ITGA11: variants seen among roughly 807,000 people sequenced by gnomAD.
The protein encoded by ITGA11 is integrin alpha-11.
ITGA11 carries 97 observed loss-of-function variants against 141.9 expected under a neutral mutation model. The ratio of observed to expected loss-of-function variants is 0.68; its 90% CI spans 0.58 to 0.81. The LOEUF (loss-of-function observed/expected upper bound fraction) is 0.81. Among genes scored for constraint, ITGA11 ranks in the 30% least tolerant of loss-of-function variants. The probability of loss-of-function intolerance (pLI) is 0.00; values close to 1 mark genes in which losing one functional copy is unlikely to be tolerated. For missense variants in ITGA11, 1,387 were observed against 1,559.2 expected (o/e 0.89, Z 1.86); for synonymous variants, 658 against 624.6 (o/e 1.05, Z -0.80).
In ITGA11 at chr15:68,299,653, G is replaced by A. The variant is rs538494563; in HGVS notation, c.*3406C>T. ...AGGAAAGGAGCACGATTAAGCCAGC[G>A]GTCTCCATTAGAGGCTGCTTGGCAT... On this transcript the variant is annotated 3_prime_UTR_variant, in exon 30 of 30. Transcript: ENST00000315757. 8 of 152,286 alleles carry A rather than the reference G, an allele frequency of 5.3e-5. No homozygotes were observed. Among genetic ancestry groups the A allele is most frequent in the African/African-American group, 1.4e-4 (6 of 41,554 alleles). 9.4% of individuals were successfully genotyped at this position (152,286 alleles called of 1,614,324 possible). A position where few individuals can be genotyped will look rare whatever the true frequency, so the allele number is the denominator to read the frequency against.
intron 15 of ITGA11, among the ~76,000 whole-genome samples, chr15:68,329,749 C>T (rs1894094608): frequency 6.6e-6 from 1 of 152,228 alleles, no homozygotes; most frequent in African/African-American, 2.4e-5. Flanking sequence ...GCTGCTGTTG[C>T]TGCCACCACC....
Position 68,364,829 on chromosome 15 carries a change from C to A in ITGA11, c.266-31G>T, listed in dbSNP as rs1446468258. On this transcript the variant is annotated intron_variant, in intron 3 of 29. Transcript: ENST00000315757. ...GTTGGGGGAGAAGTTCAGCTTGCAGCCCCCTCCTGCCCGCCCTCTGCCCAG... is the reference window on the plus strand; with the variant it reads ...GTTGGGGGAGAAGTTCAGCTTGCAGACCCCTCCTGCCCGCCCTCTGCCCAG... The A allele has an allele frequency of 2.5e-6, 4 of 1,587,758 alleles. No homozygotes were observed. The Admixed American group carries it at 6.7e-5, about 27-fold the overall frequency.
chr15:68,333,358 C>G lies in ITGA11; in HGVS notation c.1426-880G>C, dbSNP rs6494734. ...TTCAGTGATCCTCCCACCTCAGCCT[C>G]TCAAAGTGCTGGGATTACAGGTGTA... On this transcript the variant is annotated intron_variant, in intron 12 of 29. Coordinates refer to ENST00000315757, the MANE Select transcript of ITGA11 (RefSeq NM_001004439.2). This position sits in a 1 kb window ranked among gnomAD's most constrained non-coding sequence, Gnocchi z 4.2. Among the ~76,000 whole-genome samples, 10,601 of 152,238 alleles carry G rather than the reference C, an allele frequency of 0.07. 1,124 individuals are homozygous for G. The highest frequency in any genetic ancestry group is 0.23 in the African/African-American group (9,553 of 41,490).
chr15:68,413,688 C>A (rs999864800), intron 1 of ITGA11, among the ~76,000 whole-genome samples: 1 of 152,150 alleles, frequency 6.6e-6, no homozygotes, highest in Non-Finnish European at 1.5e-5. Context: ...AGACCCACCA[C>A]GGCACATGTC....
At chr15:68,369,087 G>A in intron 3 of ITGA11, 97 bp downstream of exon 3, 2 of 822,382 alleles carry the variant, frequency 2.4e-6, no homozygotes, top group East Asian at 4.9e-5. Flanking sequence ...GTAGCAGGAA[G>A]GAGTCAGTGT....
chr15:68,407,582 G>C (rs1206160815), intron 1 of ITGA11, among the ~76,000 whole-genome samples: 2 of 152,298 alleles, frequency 1.3e-5, no homozygotes, highest in East Asian at 3.9e-4. Flanking sequence ...GCTGATTGCA[G>C]AGATGTTGGG....
In ITGA11 at chr15:68,326,646, C is replaced by G; in HGVS notation, c.2211+8G>C. Reference sequence around the variant, plus strand: ...GCTTGGGCTCTGCTGGTGGGGCTGCCAGCTTACCAGGACATGGAAGTTGAT... The same window carrying G: ...GCTTGGGCTCTGCTGGTGGGGCTGCGAGCTTACCAGGACATGGAAGTTGAT... On this transcript the variant is annotated splice_region_variant and intron_variant, in intron 17 of 29. Transcript: ENST00000315757. This position sits in a 1 kb window ranked among gnomAD's most constrained non-coding sequence, Gnocchi z 6.8. 6.3e-7 allele frequency: 1 copy of G among 1,583,728 alleles called. No individual in the cohort carries two copies.
At chr15:68,429,742 A>G (rs1189561902) in intron 1 of ITGA11, among the ~76,000 whole-genome samples, 1 of 152,216 alleles carries the variant, frequency 6.6e-6, no homozygotes, top group Non-Finnish European at 1.5e-5. Flanking sequence ...CAAAGTCCAC[A>G]CTGACCAGAG....
At chr15:68,364,357 C>A (rs752022361) in intron 4 of ITGA11, among the ~76,000 whole-genome samples, 5 of 152,236 alleles carry the variant, frequency 3.3e-5, no homozygotes, top group Non-Finnish European at 5.9e-5. Flanking sequence ...ACTAGCTCCC[C>A]AAGGAAAGGG....
intron 1 of ITGA11, among the ~76,000 whole-genome samples, chr15:68,404,572 G>A (rs1310587626): frequency 3.9e-5 from 6 of 152,154 alleles, no homozygotes; most frequent in Admixed American, 3.9e-4. Flanking sequence ...GGACCTTGGA[G>A]AATGAGTGAG....
chr15:68,378,781 A>C (rs141760664), intron 2 of ITGA11, among the ~76,000 whole-genome samples: 304 of 152,362 alleles, frequency 2.0e-3, no homozygotes, highest in Non-Finnish European at 2.7e-3. Flanking sequence ...ATGGCTGGAC[A>C]TAGAGGCGGC....
chr15:68,349,015 T>C (rs1342210618), intron 9 of ITGA11, 115 bp from the exon 10 acceptor site: 2 of 807,050 alleles, frequency 2.5e-6, no homozygotes, highest in Non-Finnish European at 3.7e-6. Context: ...GAGGTGGGGC[T>C]CTCTTTCGAG....
chr15:68,303,930 G>T lies in ITGA11; in HGVS notation c.3382-45C>A, dbSNP rs1160859223. The T allele has an allele frequency of 3.0e-6, 4 of 1,330,972 alleles. No individual in the cohort carries two copies. Among genetic ancestry groups the T allele is most frequent in the Non-Finnish European group, 4.3e-6 (4 of 927,906 alleles). The allele number at this position is 1,330,972 out of a possible 1,614,324, so 82.4% of individuals were successfully genotyped here. The stretch of plus-strand genomic sequence containing the variant: ...GGGCCAACAGCATTACTCTTCTGGG[G>T]CTGGGGTGGCAGTCTGGGAGGGGCA... On this transcript the variant is annotated intron_variant, in intron 28 of 29. Coordinates refer to ENST00000315757, the MANE Select transcript of ITGA11 (RefSeq NM_001004439.2). The surrounding 1 kb of genome is among the most constrained non-coding windows in gnomAD (Gnocchi z 5.3).
chr15:68,422,493 T>C (rs1204098979), intron 1 of ITGA11, among the ~76,000 whole-genome samples: 4 of 152,108 alleles, frequency 2.6e-5, no homozygotes, highest in Non-Finnish European at 4.4e-5. Flanking sequence ...GCAGTAGCCA[T>C]CTTATCATTC....
intron 7 of ITGA11, among the ~76,000 whole-genome samples, chr15:68,355,157 G>A (rs1295229411): frequency 6.6e-6 from 1 of 152,166 alleles, no homozygotes; most frequent in Non-Finnish European, 1.5e-5. Context: ...TGGTGGTTAT[G>A]GGCTGCCTCC....
intron 1 of ITGA11, among the ~76,000 whole-genome samples, chr15:68,425,930 A>C (rs8043127): frequency 0.11 from 17,129 of 152,214 alleles, 3,203 homozygotes; most frequent in African/African-American, 0.39. Flanking sequence ...CAACTTGCCT[A>C]ATTCACCCCA....
At chr15:68,340,963 A>G (rs938980009) in intron 10 of ITGA11, 1 of 152,202 alleles carries the variant, frequency 6.6e-6, no homozygotes, top group African/African-American at 2.4e-5. Flanking sequence ...TTGGGCTTTC[A>G]AAACACAGGC....
chr15:68,313,918 G>T (rs1893483359), intron 22 of ITGA11, 50 bp from the exon 23 acceptor site: 1 of 1,470,598 alleles, frequency 6.8e-7, no homozygotes, highest in East Asian at 2.3e-5. Flanking sequence ...AGCCAGCACA[G>T]GCAGCGGGAA....
chr15:68,419,121 G>A (rs964902957), intron 1 of ITGA11, among the ~76,000 whole-genome samples: 5 of 152,130 alleles, frequency 3.3e-5, no homozygotes, highest in Admixed American at 1.3e-4. Context: ...TGGCTGCATG[G>A]AATTTAACAG....
Sources: gnomAD v4.1 joint callset for allele counts (sites outside exome capture counted in the v4.1 genomes callset) on GRCh38, gnomAD v4.1.1 for gene constraint, Gnocchi (gnomAD v3.1) non-coding constraint, MANE v1.5 for transcripts, NCBI Gene and HGNC (gene_info 2026-07-23, HGNC 2026-07-21) for gene names.